The following KAT2B variants were observed in gnomAD, a reference collection of about 807,000 sequenced individuals.
KAT2B encodes histone acetyltransferase KAT2B.
In KAT2B, 36 loss-of-function variants were observed where a neutral mutation model predicts 105.9. The ratio of observed to expected loss-of-function variants is 0.34; its 90% CI spans 0.26 to 0.45. The LOEUF is 0.45. Ranked by LOEUF, KAT2B falls within the 20% of genes least tolerant of loss-of-function variation. The pLI is 1.00. For missense variants in KAT2B, 820 were observed against 1,021.6 expected (o/e 0.80, Z 2.69); for synonymous variants, 397 against 377.9 (o/e 1.05, Z -0.59).
intron 5 of KAT2B, among the ~76,000 whole-genome samples, chr3:20,106,961 G>GTATATATATATATATATATGTATATA (rs60656536): frequency 4.3e-5 from 3 of 69,970 alleles, no homozygotes; most frequent in Non-Finnish European, 7.8e-5. Flanking sequence ...AATTTTATGT[G>GTATATATATATATATATATGTATATA]TATATATATA....
chr3:20,077,201 G>T (rs1698435178), intron 2 of KAT2B, among the ~76,000 whole-genome samples: 1 of 152,158 alleles, frequency 6.6e-6, no homozygotes, highest in Non-Finnish European at 1.5e-5. Context: ...GCCTGTCTGG[G>T]TATGGTGGTT....
intron 1 of KAT2B, among the ~76,000 whole-genome samples, chr3:20,068,332 C>T (rs947365370): frequency 6.6e-5 from 10 of 151,280 alleles, no homozygotes; most frequent in African/African-American, 1.9e-4. Flanking sequence ...TTACCCACTG[C>T]GCTGTAGCCA....
intron 11 of KAT2B, among the ~76,000 whole-genome samples, chr3:20,129,166 G>A (rs1295192215): frequency 6.6e-6 from 1 of 151,954 alleles, no homozygotes; most frequent in Non-Finnish European, 1.5e-5. Context: ...CTGCAAATAT[G>A]AGGTTATAAA....
At chr3:20,123,220 A>ACTCC (rs1382450632) in intron 9 of KAT2B, among the ~76,000 whole-genome samples, 3 of 152,076 alleles carry the variant, frequency 2.0e-5, no homozygotes, top group Non-Finnish European at 2.9e-5. Flanking sequence ...CTCCCCATGA[A>ACTCC]CCATTTGGAA....
chr3:20,136,934 C>T lies in KAT2B; in HGVS notation c.1750-8C>T. 6.6e-7 allele frequency: 1 copy of T among 1,521,370 alleles called. No individual in the cohort carries two copies. The highest frequency in any genetic ancestry group is 9.1e-7 in the Non-Finnish European group (1 of 1,098,396). 94.2% of individuals were successfully genotyped at this position (1,521,370 alleles called of 1,614,324 possible). On this transcript the variant is annotated splice_polypyrimidine_tract_variant and splice_region_variant and intron_variant, in intron 11 of 17. Transcript: ENST00000263754. ...AATGTATTTGTTTGTATACTAACTT[C>T]CACACAGGGCTATGGAACACACCTG...
intron 17 of KAT2B, among the ~76,000 whole-genome samples, chr3:20,150,884 T>TGGG (rs11414280): frequency 1.3e-5 from 2 of 151,984 alleles, no homozygotes; most frequent in Non-Finnish European, 2.9e-5. Context: ...TCCCCCTTTT[T>TGGG]GGGGGGTACA....
intron 3 of KAT2B, among the ~76,000 whole-genome samples, chr3:20,098,059 G>C (rs1698842462): frequency 6.6e-6 from 1 of 151,832 alleles, no homozygotes; most frequent in Non-Finnish European, 1.5e-5. Flanking sequence ...GTGAAACTCT[G>C]TCTCTATAAA....
intron 1 of KAT2B, among the ~76,000 whole-genome samples, chr3:20,057,259 CT>C (rs1398951639): frequency 1.5e-4 from 23 of 152,170 alleles, no homozygotes; most frequent in African/African-American, 5.1e-4. Context: ...GAGGGCAAGC[CT>C]TTTTGTAAAA....
chr3:20,126,199 A>G (rs1315589992), intron 10 of KAT2B, 86 bp downstream of exon 10: 1 of 1,091,610 alleles, frequency 9.2e-7, no homozygotes, highest in Non-Finnish European at 1.3e-6. Context: ...AGCCATAGTC[A>G]TCCACCGAAT....
intron 1 of KAT2B, among the ~76,000 whole-genome samples, chr3:20,063,822 T>G (rs1329846100): frequency 6.6e-6 from 1 of 152,148 alleles, no homozygotes; most frequent in Non-Finnish European, 1.5e-5. Context: ...ATTACAGACG[T>G]GAGCCACCAC....
At chr3:20,128,406 A>G (rs1699448464) in intron 11 of KAT2B, among the ~76,000 whole-genome samples, 1 of 152,220 alleles carries the variant, frequency 6.6e-6, no homozygotes, top group Non-Finnish European at 1.5e-5. Flanking sequence ...ATGAAATTCT[A>G]TAAGGGAAGT....
chr3:20,134,357 T>C (rs1038079987), intron 11 of KAT2B, among the ~76,000 whole-genome samples: 3 of 152,216 alleles, frequency 2.0e-5, no homozygotes, highest in Non-Finnish European at 4.4e-5. Context: ...CTTTACCACC[T>C]TGATTATGGT....
chr3:20,149,495 C>CAAAAAAAAAAAGAAAAAAAAAAAA (rs1699833914), intron 17 of KAT2B, among the ~76,000 whole-genome samples: 1 of 42,440 alleles, frequency 2.4e-5, no homozygotes, highest in African/African-American at 1.3e-4. Flanking sequence ...GACCGTATCT[C>CAAAAAAAAAAAGAAAAAAAAAAAA]AAAAAAAAAA....
At position 20,100,975 on chromosome 3, in the gene KAT2B, A is replaced by G. The variant is rs1698899828; in HGVS notation, c.670-312A>G. ...GCAATAATTATTCTGCACAACAGTC[A>G]TATTTTCTTGTTTCAGGGGTTTTGA... On this transcript the variant is annotated intron_variant, in intron 4 of 17. Transcript: ENST00000263754. 1.2e-5 allele frequency: 4 copies of G among 347,152 alleles called. No homozygotes were observed. The East Asian group carries it at 1.4e-4, about 13-fold the overall frequency. 21.5% of individuals were successfully genotyped at this position (347,152 alleles called of 1,614,324 possible).
intron 1 of KAT2B, among the ~76,000 whole-genome samples, chr3:20,048,189 G>A (rs539053498): frequency 6.6e-6 from 1 of 152,240 alleles, no homozygotes; most frequent in South Asian, 2.1e-4. Flanking sequence ...TGTTTCATTT[G>A]GCAGGCACAA....
intron 1 of KAT2B, among the ~76,000 whole-genome samples, chr3:20,069,719 T>A (rs1028984095): frequency 6.6e-6 from 1 of 151,602 alleles, no homozygotes. Context: ...AGAGACGGGG[T>A]TTCACCATTC....
Position 20,095,414 on chromosome 3 carries a change from A to G in KAT2B, c.576+6A>G, listed in dbSNP as rs1698791601. On this transcript the variant is annotated splice_donor_region_variant and intron_variant, in intron 3 of 17. Transcript: ENST00000263754. ...TTTATTTCTATCTATTTAAGGTGAGATTTTAACATTTTAAAAACATTTTCT... is the reference window on the plus strand; with the variant it reads ...TTTATTTCTATCTATTTAAGGTGAGGTTTTAACATTTTAAAAACATTTTCT... 6.4e-7 allele frequency: 1 copy of G among 1,551,796 alleles called. No individual in the cohort carries two copies. Among genetic ancestry groups the G allele is most frequent in the Non-Finnish European group, 8.9e-7 (1 of 1,129,332 alleles).
chr3:20,059,554 A>G (rs1698062538), intron 1 of KAT2B, among the ~76,000 whole-genome samples: 1 of 151,338 alleles, frequency 6.6e-6, no homozygotes, highest in Non-Finnish European at 1.5e-5. Context: ...AAATACAAAA[A>G]ATTAGCCAGG....
intron 5 of KAT2B, among the ~76,000 whole-genome samples, chr3:20,105,676 GGTCC>G (rs1289178225): frequency 6.6e-6 from 1 of 151,762 alleles, no homozygotes; most frequent in African/African-American, 2.4e-5. Flanking sequence ...ATGAGCCTGT[GGTCC>G]CAGCGACTCT....
Sources: allele counts gnomAD v4.1 joint callset (sites outside exome capture counted in the v4.1 genomes callset), GRCh38; gene constraint gnomAD v4.1.1; transcripts MANE v1.5; gene names NCBI Gene and HGNC (gene_info 2026-07-23, HGNC 2026-07-21).